RNF150: variants seen among roughly 807,000 people sequenced by gnomAD.
RNF150 encodes the protein ring finger protein 150.
Under a neutral mutation model 39.3 loss-of-function variants are expected in RNF150, and 24 were observed. That is an observed-to-expected ratio of 0.61 (90% CI 0.44 to 0.86). The LOEUF (loss-of-function observed/expected upper bound fraction) is 0.86. Among genes scored for constraint, RNF150 ranks in the 40% least tolerant of loss-of-function variants. The pLI is 0.00. For synonymous variants in RNF150, 255 were observed against 227.3 expected (o/e 1.12, Z -1.10); for missense variants, 502 against 587.8 (o/e 0.85, Z 1.51).
intron 6 of RNF150, among the ~76,000 whole-genome samples, chr4:140,889,541 CT>C (rs1307325581): frequency 6.6e-6 from 1 of 152,212 alleles, no homozygotes; most frequent in Non-Finnish European, 1.5e-5. Flanking sequence ...TTTGGTACCT[CT>C]TTAAAAATCT....
At chr4:141,018,898 C>A (rs1735377258) in intron 1 of RNF150, among the ~76,000 whole-genome samples, 1 of 151,846 alleles carries the variant, frequency 6.6e-6, no homozygotes, top group Non-Finnish European at 1.5e-5. Flanking sequence ...GAGGGAAGAT[C>A]AGTAAATTCA....
intron 1 of RNF150, among the ~76,000 whole-genome samples, chr4:141,059,458 A>C (rs1737125779): frequency 6.6e-6 from 1 of 152,190 alleles, no homozygotes; most frequent in Admixed American, 6.6e-5. Context: ...CATTTTTTAA[A>C]ATCTAAAACA....
intron 2 of RNF150, among the ~76,000 whole-genome samples, chr4:140,962,451 G>A (rs61421745): frequency 5.3e-5 from 8 of 150,058 alleles, no homozygotes; most frequent in African/African-American, 1.5e-4. Context: ...TCATATATAC[G>A]TATATGATAT....
At chr4:141,078,519 CA>C (rs1400265804) in intron 1 of RNF150, among the ~76,000 whole-genome samples, 1 of 151,786 alleles carries the variant, frequency 6.6e-6, no homozygotes, top group Non-Finnish European at 1.5e-5. Flanking sequence ...TGTTCATAAT[CA>C]CGCCTGTAAT....
rs543102998 is a variant in RNF150 at position 140,952,177 on chromosome 4, A to AT, written c.736-2806dup. ...AGGTGCCCGCCACCACGCCTGGCTG[A>AT]TTTTTTTTTGTATTTTTAGTAGAGA... On this transcript the variant is annotated intron_variant, in intron 2 of 6. Coordinates refer to ENST00000515673, the MANE Select transcript of RNF150 (RefSeq NM_020724.2). Among the ~76,000 whole-genome samples, 140 of 150,538 alleles carry AT rather than the reference A, an allele frequency of 9.3e-4. 1 individual carries two copies. Among genetic ancestry groups the AT allele is most frequent in the South Asian group, 2.7e-3 (13 of 4,732 alleles).
At chr4:141,209,648 T>A (rs1342731878) in intron 1 of RNF150, among the ~76,000 whole-genome samples, 1 of 152,168 alleles carries the variant, frequency 6.6e-6, no homozygotes, top group Non-Finnish European at 1.5e-5. Context: ...GGGTTGCTTG[T>A]CTTTTTAAAT....
intron 5 of RNF150, among the ~76,000 whole-genome samples, chr4:140,913,407 A>G (rs13111614): frequency 0.55 from 83,982 of 152,054 alleles, 23,713 homozygotes; most frequent in East Asian, 0.89. Context: ...TCAGCCTTTG[A>G]AGACAGACAG....
At chr4:141,195,251 C>T (rs1384005059) in intron 1 of RNF150, among the ~76,000 whole-genome samples, 1 of 152,112 alleles carries the variant, frequency 6.6e-6, no homozygotes, top group Non-Finnish European at 1.5e-5. Flanking sequence ...ATGAACTTGG[C>T]CTGCCCTCCT....
At chr4:141,086,862 G>A (rs1578713592) in intron 1 of RNF150, among the ~76,000 whole-genome samples, 1 of 152,196 alleles carries the variant, frequency 6.6e-6, no homozygotes, top group East Asian at 1.9e-4. Context: ...AGGCCAAGGA[G>A]TGGTACTTCA....
chr4:141,100,161 G>T (rs1169858940), intron 1 of RNF150, among the ~76,000 whole-genome samples: 1 of 152,150 alleles, frequency 6.6e-6, no homozygotes, highest in Non-Finnish European at 1.5e-5. Flanking sequence ...TTGATACCCA[G>T]ATTTTGCTTC....
chr4:140,904,461 C>T (rs1329039578), intron 6 of RNF150, among the ~76,000 whole-genome samples: 1 of 152,196 alleles, frequency 6.6e-6, no homozygotes, highest in Non-Finnish European at 1.5e-5. Context: ...TTGGTTCCAG[C>T]TGGCATATTT....
intron 1 of RNF150, among the ~76,000 whole-genome samples, chr4:141,174,887 GAAA>G (rs548297378): frequency 2.4e-5 from 3 of 126,576 alleles, no homozygotes; most frequent in South Asian, 2.6e-4. Flanking sequence ...CCTGTATCAG[GAAA>G]AAAAAAAAAA....
intron 1 of RNF150, among the ~76,000 whole-genome samples, chr4:141,194,688 A>T (rs1193218944): frequency 1.3e-5 from 2 of 152,132 alleles, no homozygotes; most frequent in East Asian, 1.9e-4. Flanking sequence ...TATAGAAGGT[A>T]CTCAATATGA....
chr4:140,979,689 G>A (rs184934292), intron 1 of RNF150, among the ~76,000 whole-genome samples: 14 of 152,092 alleles, frequency 9.2e-5, no homozygotes, highest in African/African-American at 3.1e-4. Flanking sequence ...ATGAGCTTAT[G>A]GACAACTGAG....
In RNF150 at chr4:141,089,020, C is replaced by T. The variant is rs896723998; in HGVS notation, c.484+43305G>A. Reference sequence around the variant, plus strand: ...ACACTCAGATGAATTTTCTTGCCGACCTAACCTCTTTGAAGATTGGTCTCT... The same window carrying T: ...ACACTCAGATGAATTTTCTTGCCGATCTAACCTCTTTGAAGATTGGTCTCT... On this transcript the variant is annotated intron_variant, in intron 1 of 6. Coordinates refer to ENST00000515673, the MANE Select transcript of RNF150 (RefSeq NM_020724.2). Among the ~76,000 whole-genome samples, 3 of 152,154 alleles carry T rather than the reference C, an allele frequency of 2.0e-5. No individual in the cohort carries two copies. The East Asian group carries it at 5.8e-4, about 29-fold the overall frequency.
intron 1 of RNF150, among the ~76,000 whole-genome samples, chr4:141,122,750 T>C (rs1345126496): frequency 2.0e-5 from 3 of 152,216 alleles, no homozygotes. Context: ...ATATTACCCA[T>C]TTGATAAAAG....
chr4:141,132,404 C>T lies in RNF150; in HGVS notation c.405G>A (p.Ala135=). The part of the protein sequence containing the change: ...NCTYRDKIRN[A]FLQNASAVVI... ...CCACGGCTGAGGCGTTCTGCAGGAA[C>T]GCGTTCCGGATCTTATCCCTGTACG... Residue 135 remains alanine (A), a synonymous_variant, in exon 1 of 7, where the codon GCG becomes GCA. Coordinates refer to ENST00000515673, the MANE Select transcript of RNF150 (RefSeq NM_020724.2). This position sits in a 1 kb window ranked among gnomAD's most constrained non-coding sequence, Gnocchi z 4.9. 1 of 1,607,440 alleles carries T rather than the reference C, an allele frequency of 6.2e-7. No individual in the cohort carries two copies. The highest frequency in any genetic ancestry group is 8.5e-7 in the Non-Finnish European group (1 of 1,177,472).
chr4:141,159,451 T>C (rs1354035512), intron 1 of RNF150, among the ~76,000 whole-genome samples: 1 of 152,196 alleles, frequency 6.6e-6, no homozygotes, highest in Non-Finnish European at 1.5e-5. Flanking sequence ...GCTCACAATC[T>C]CTACCAAAAC....
At position 141,197,050 on chromosome 4, in the gene RNF150, A is replaced by G. The variant is rs369091897; in HGVS notation, c.-6+15744T>C. On this transcript the variant is annotated intron_variant, in intron 1 of 7. Transcript: ENST00000420921. ...AGATCTGGATTAATTTTGTCCCAAA[A>G]AAAAGTGTTTTAACAATTTTTTTTT... Among the ~76,000 whole-genome samples the G allele has an allele frequency of 4.6e-5, 7 of 152,348 alleles. No individual in the cohort carries two copies. The East Asian group carries it at 9.6e-4, about 21-fold the overall frequency.
Sources: allele counts gnomAD v4.1 joint callset (sites outside exome capture counted in the v4.1 genomes callset), GRCh38; gene constraint gnomAD v4.1.1; non-coding constraint Gnocchi (gnomAD v3.1); transcripts MANE v1.5; gene names NCBI Gene and HGNC (gene_info 2026-07-23, HGNC 2026-07-21).